MEGF11: variants seen among roughly 807,000 people sequenced by gnomAD.
MEGF11 encodes the protein multiple epidermal growth factor-like domains protein 11.
Under a neutral mutation model 146.6 loss-of-function variants are expected in MEGF11, and 126 were observed. That is an observed-to-expected ratio of 0.86 (90% CI 0.74 to 1.00). MEGF11 has a LOEUF of 1.00. Among genes scored for constraint, MEGF11 ranks in the 50% least tolerant of loss-of-function variants. The pLI is 0.00. For missense variants in MEGF11, 1,509 were observed against 1,521.2 expected (o/e 0.99, Z 0.13); for synonymous variants, 532 against 583.4 (o/e 0.91, Z 1.27).
chr15:66,007,338 G>T (rs1055022433), intron 5 of MEGF11, among the ~76,000 whole-genome samples: 22 of 152,192 alleles, frequency 1.4e-4, no homozygotes, highest in South Asian at 6.2e-4. Flanking sequence ...TATTCCAGAG[G>T]CAAGTGAAAT....
chr15:66,242,122 G>A (rs948656039), intron 1 of MEGF11, among the ~76,000 whole-genome samples: 70 of 152,236 alleles, frequency 4.6e-4, no homozygotes, highest in African/African-American at 1.6e-3. Flanking sequence ...ACAAGTAGGG[G>A]CAAGCCGGAC....
Position 65,957,703 on chromosome 15 carries a change from T to G in MEGF11, c.1131A>C (p.Gly377=), listed in dbSNP as rs1165319444. The G allele has an allele frequency of 6.2e-7, 1 of 1,613,676 alleles. No homozygotes were observed. Among genetic ancestry groups the G allele is most frequent in the Non-Finnish European group, 8.5e-7 (1 of 1,179,844 alleles). The change falls in exon 10 of 26, where the codon GGA becomes GGC. Residue 377 remains glycine, a synonymous_variant. Transcript: ENST00000395614. ...ACCAGCCTGGCTGGCAGGTACAAGC[T>G]CCAGTTACTGGGTGGCAGCTGCACA... The part of the protein sequence containing the change: ...DNTISCHPVT[G]ACTCQPGWSG...
At chr15:65,928,962 C>T (rs2079473594) in intron 12 of MEGF11, among the ~76,000 whole-genome samples, 1 of 152,122 alleles carries the variant, frequency 6.6e-6, no homozygotes, top group Admixed American at 6.5e-5. Context: ...AAGGTAGTCA[C>T]CAATTCTTAT....
intron 1 of MEGF11, among the ~76,000 whole-genome samples, chr15:66,202,373 C>A (rs923484683): frequency 6.6e-6 from 1 of 152,188 alleles, no homozygotes; most frequent in Non-Finnish European, 1.5e-5. Flanking sequence ...CAATCACACC[C>A]GTGGTGAGCG....
chr15:66,139,830 G>C (rs1278113129), intron 1 of MEGF11, among the ~76,000 whole-genome samples: 1 of 152,220 alleles, frequency 6.6e-6, no homozygotes, highest in East Asian at 1.9e-4. Context: ...AAGGCATTTA[G>C]GCTTCAGAGA....
At chr15:65,902,880 G>T (rs1037754378) in intron 24 of MEGF11, among the ~76,000 whole-genome samples, 1 of 152,190 alleles carries the variant, frequency 6.6e-6, no homozygotes, top group Non-Finnish European at 1.5e-5. Context: ...GAGAGAGGCA[G>T]TGACTTTCCA....
intron 1 of MEGF11, among the ~76,000 whole-genome samples, chr15:66,181,972 C>T (rs929377029): frequency 2.6e-5 from 4 of 152,176 alleles, no homozygotes; most frequent in African/African-American, 9.7e-5. Context: ...TGCCCAAGCC[C>T]CACCAAACCA....
intron 5 of MEGF11, among the ~76,000 whole-genome samples, chr15:66,028,109 CTCTGTACCCAGTCTT>C (rs1397607244): frequency 7.9e-5 from 12 of 152,128 alleles, no homozygotes; most frequent in Non-Finnish European, 1.5e-5. Flanking sequence ...AGTAAGATGT[CTCTGTACCCAGTCTT>C]ACTGTACCCA....
At chr15:66,157,828 C>T (rs1458820987) in intron 1 of MEGF11, among the ~76,000 whole-genome samples, 1 of 152,174 alleles carries the variant, frequency 6.6e-6, no homozygotes, top group African/African-American at 2.4e-5. Context: ...ACAGCTCTGA[C>T]CTTTTGGGCT....
chr15:66,195,347 A>G (rs1053563005), intron 1 of MEGF11, among the ~76,000 whole-genome samples: 1 of 152,238 alleles, frequency 6.6e-6, no homozygotes, highest in African/African-American at 2.4e-5. Context: ...TCTAAGACAT[A>G]AAAGTTCAGG....
intron 22 of MEGF11, 98 bp from the exon 23 acceptor site, chr15:65,909,233 G>A: frequency 4.6e-6 from 4 of 872,570 alleles, no homozygotes; most frequent in Non-Finnish European, 7.3e-6. Context: ...GGGTCAGGGT[G>A]AGGCAGGCTG....
At chr15:66,112,629 T>A (rs2087489510) in intron 4 of MEGF11, among the ~76,000 whole-genome samples, 1 of 152,188 alleles carries the variant, frequency 6.6e-6, no homozygotes, top group South Asian at 2.1e-4. Flanking sequence ...AAAGATGATA[T>A]ATACCTCTGA....
At chr15:66,106,779 T>C (rs1029470478) in intron 4 of MEGF11, among the ~76,000 whole-genome samples, 1 of 152,210 alleles carries the variant, frequency 6.6e-6, no homozygotes, top group Non-Finnish European at 1.5e-5. Flanking sequence ...AGAGCAGATA[T>C]GCCCCTTCCT....
At chr15:66,243,913 C>T (rs2092256105) in intron 1 of MEGF11, among the ~76,000 whole-genome samples, 1 of 152,154 alleles carries the variant, frequency 6.6e-6, no homozygotes, top group Non-Finnish European at 1.5e-5. Context: ...AAGCTCCTAC[C>T]TCAGGAAGCA....
chr15:66,241,285 C>T (rs561599692), intron 1 of MEGF11, among the ~76,000 whole-genome samples: 3 of 152,294 alleles, frequency 2.0e-5, no homozygotes, highest in Admixed American at 6.5e-5. Context: ...GAGGGGCTGA[C>T]GGAACAGCAG....
At chr15:66,078,335 C>T (rs1224818686) in intron 5 of MEGF11, among the ~76,000 whole-genome samples, 1 of 152,236 alleles carries the variant, frequency 6.6e-6, no homozygotes. Flanking sequence ...AGCCCTGCAT[C>T]GTGGCGGAAA....
intron 5 of MEGF11, among the ~76,000 whole-genome samples, chr15:66,043,313 C>G (rs997226674): frequency 6.6e-6 from 1 of 152,202 alleles, no homozygotes; most frequent in Non-Finnish European, 1.5e-5. Flanking sequence ...TCTGTGGGTC[C>G]TCTTGGGCTG....
At position 65,909,200 on chromosome 15, in the gene MEGF11, G is replaced by A. The variant is rs1236898488; in HGVS notation, c.2897-65C>T. On this transcript the variant is annotated intron_variant, in intron 22 of 25. Transcript: ENST00000395614. ...GGCCCTGGTATAGCAGGGGAAGGGG[G>A]TAGGAAGTACACAAGTGGGCCAGGG... The A allele has an allele frequency of 2.5e-6, 3 of 1,181,840 alleles. No homozygotes were observed. The East Asian group carries it at 7.6e-5, about 30-fold the overall frequency. The allele number at this position is 1,181,840 out of a possible 1,614,324, so 73.2% of individuals were successfully genotyped here.
At chr15:65,915,675 C>T in intron 18 of MEGF11, 77 bp from the exon 19 acceptor site, 1 of 1,551,296 alleles carries the variant, frequency 6.4e-7, no homozygotes, top group Non-Finnish European at 8.7e-7. Context: ...ACAGCTATGG[C>T]AATAAGCCTG....
Sources: allele counts gnomAD v4.1 joint callset (sites outside exome capture counted in the v4.1 genomes callset), GRCh38; gene constraint gnomAD v4.1.1; transcripts MANE v1.5; gene names NCBI Gene and HGNC (gene_info 2026-07-23, HGNC 2026-07-21).